Variants in PIEZO2 observed in about 807,000 individuals in gnomAD.
PIEZO2 encodes piezo type mechanosensitive ion channel component 2, also known as piezo-type mechanosensitive ion channel component 2.
In PIEZO2, 172 loss-of-function variants were observed where a neutral mutation model predicts 337.3. That is an observed-to-expected ratio of 0.51 (90% CI 0.45 to 0.58). The LOEUF is 0.58. Ranked by LOEUF, PIEZO2 falls within the 20% of genes least tolerant of loss-of-function variation. PIEZO2 has a pLI of 0.00. For synonymous variants in PIEZO2, 1,251 were observed against 1,228.5 expected (o/e 1.02, Z -0.38); for missense variants, 3,028 against 3,391.3 (o/e 0.89, Z 2.66).
rs4519388 is a variant in PIEZO2 at position 10,762,277 on chromosome 18, T to C, written c.3249+223A>G. Among the ~76,000 whole-genome samples the C allele has an allele frequency of 0.78, 119,045 of 152,222 alleles. 46,643 individuals carry two copies. Among genetic ancestry groups the C allele is most frequent in the East Asian group, 0.88 (4,575 of 5,186 alleles). On this transcript the variant is annotated intron_variant, in intron 23 of 55. Coordinates refer to ENST00000674853, the MANE Select transcript of PIEZO2 (RefSeq NM_001378183.1). Reference sequence around the variant, plus strand: ...TTGTATAATGTTCCAATGAATGTATTTGTCATACTTTATTCAAGCAATCTC... The same window carrying C: ...TTGTATAATGTTCCAATGAATGTATCTGTCATACTTTATTCAAGCAATCTC...
rs1273998408 is a variant in PIEZO2 at position 11,080,984 on chromosome 18, C to T, written c.65-14762G>A. 1.3e-5 allele frequency among the ~76,000 whole-genome samples: 2 copies of T among 152,302 alleles called. No individual in the cohort carries two copies. Among genetic ancestry groups the T allele is most frequent in the East Asian group, 1.9e-4 (1 of 5,184 alleles). On this transcript the variant is annotated intron_variant, in intron 1 of 55. Coordinates refer to ENST00000674853, the MANE Select transcript of PIEZO2 (RefSeq NM_001378183.1). This position sits in a 1 kb window ranked among gnomAD's most constrained non-coding sequence, Gnocchi z 5.4. ...ACATACCATCTGGCTAACATAATGA[C>T]ATGGCTACAATAACAATATTAAAAA...
At position 11,125,415 on chromosome 18, in the gene PIEZO2, T is replaced by C. The variant is rs573034327; in HGVS notation, c.64+23110A>G. Among the ~76,000 whole-genome samples, 3 of 152,342 alleles carry C rather than the reference T, an allele frequency of 2.0e-5. No homozygotes were observed. The highest frequency in any genetic ancestry group is 7.2e-5 in the African/African-American group (3 of 41,582). ...TCCAACTTTTGCCATTATCTGAAGA[T>C]ACTTGAGAAAGGAAACAAGTCATTC... On this transcript the variant is annotated intron_variant, in intron 1 of 55. Coordinates refer to ENST00000674853, the MANE Select transcript of PIEZO2 (RefSeq NM_001378183.1). The surrounding 1 kb of genome is among the most constrained non-coding windows in gnomAD (Gnocchi z 4.4).
At chr18:10,791,134 T>C in intron 14 of PIEZO2, 67 bp downstream of exon 14, 2 of 1,417,206 alleles carry the variant, frequency 1.4e-6, no homozygotes, top group Non-Finnish European at 1.9e-6. Flanking sequence ...CTGATGTATT[T>C]TGGGGCTCTT....
chr18:10,944,118 G>T (rs2032875244), intron 3 of PIEZO2, among the ~76,000 whole-genome samples: 1 of 151,884 alleles, frequency 6.6e-6, no homozygotes, highest in African/African-American at 2.4e-5. Context: ...TGACAAATGA[G>T]GATTTTTTAA....
chr18:10,734,502 C>G (rs1293222688), intron 35 of PIEZO2, among the ~76,000 whole-genome samples: 1 of 152,210 alleles, frequency 6.6e-6, no homozygotes, highest in Non-Finnish European at 1.5e-5. Context: ...GAGGGACATA[C>G]AGAGCAAAGC....
At chr18:11,139,867 G>C (rs2040593543) in intron 1 of PIEZO2, among the ~76,000 whole-genome samples, 1 of 152,136 alleles carries the variant, frequency 6.6e-6, no homozygotes, top group Non-Finnish European at 1.5e-5. Context: ...TGCTTATACA[G>C]ATCGAGTCAG....
chr18:10,913,519 ATTATTC>A (rs1366454360), intron 3 of PIEZO2, among the ~76,000 whole-genome samples: 2 of 152,134 alleles, frequency 1.3e-5, no homozygotes, highest in East Asian at 1.9e-4. Context: ...TATTTTCAGT[ATTATTC>A]TTATTTTTTA....
rs1348074406 is a variant in PIEZO2 at position 10,716,900 on chromosome 18, C to T, written c.5090-1084G>A. On this transcript the variant is annotated intron_variant, in intron 37 of 55. Transcript: ENST00000674853. This position sits in a 1 kb window ranked among gnomAD's most constrained non-coding sequence, Gnocchi z 4.1. Reference sequence around the variant, plus strand: ...ACATTATTACGGCGTGGTTTTGCTACAGTGGGCCTGATTGTAAGGCTGCAG... The same window carrying T: ...ACATTATTACGGCGTGGTTTTGCTATAGTGGGCCTGATTGTAAGGCTGCAG... Among the ~76,000 whole-genome samples the T allele has an allele frequency of 6.6e-6, 1 of 152,156 alleles. No homozygotes were observed.
rs991517781 is a variant in PIEZO2, at chr18:11,116,589, G to A, written c.64+31936C>T. Among the ~76,000 whole-genome samples the A allele has an allele frequency of 3.9e-5, 6 of 151,908 alleles. No individual in the cohort carries two copies. The highest frequency in any genetic ancestry group is 6.6e-5 in the Admixed American group (1 of 15,248). On this transcript the variant is annotated intron_variant, in intron 1 of 55. Transcript: ENST00000674853. The surrounding 1 kb of genome is among the most constrained non-coding windows in gnomAD (Gnocchi z 5.0). ...AATTAGCCGGGCGTGGTGGCGGGGG[G>A]CCTGTAGTCCCAGCTACTCGGGAGG...
At chr18:11,020,615 G>A (rs1034807144) in intron 2 of PIEZO2, among the ~76,000 whole-genome samples, 2 of 152,158 alleles carry the variant, frequency 1.3e-5, no homozygotes, top group African/African-American at 2.4e-5. Context: ...TAATTGCAGA[G>A]TAGTGTTCTG....
rs150439204 is a variant in PIEZO2 at position 10,863,939 on chromosome 18, C to G, written c.493-6728G>C. The stretch of plus-strand genomic sequence containing the variant: ...TCCAGAGATTACTACTCATCCTGAA[C>G]CACCTATTTTCTCTTGTAGGAACCA... On this transcript the variant is annotated intron_variant, in intron 5 of 55. Transcript: ENST00000674853. This position sits in a 1 kb window ranked among gnomAD's most constrained non-coding sequence, Gnocchi z 4.3. Among the ~76,000 whole-genome samples, 841 of 152,200 alleles carry G rather than the reference C, an allele frequency of 5.5e-3. 9 individuals are homozygous for G. The highest frequency in any genetic ancestry group is 0.02 in the African/African-American group (811 of 41,542).
At chr18:11,114,029 T>C (rs2039814131) in intron 1 of PIEZO2, among the ~76,000 whole-genome samples, 2 of 152,272 alleles carry the variant, frequency 1.3e-5, no homozygotes, top group African/African-American at 4.8e-5. Flanking sequence ...ACTACATTAA[T>C]GTAATGGATG....
chr18:10,829,178 C>G (rs74746902), intron 7 of PIEZO2, among the ~76,000 whole-genome samples: 56 of 152,100 alleles, frequency 3.7e-4, no homozygotes, highest in African/African-American at 1.3e-3. Context: ...TGCTTATTTG[C>G]ATCACACAGA....
At chr18:10,879,447 G>C (rs574130545) in intron 4 of PIEZO2, among the ~76,000 whole-genome samples, 1 of 142,810 alleles carries the variant, frequency 7.0e-6, no homozygotes, top group East Asian at 2.1e-4. Flanking sequence ...CCAGGCTGGA[G>C]TGCAGTAGTG....
In PIEZO2 at chr18:10,888,484, G is replaced by C. The variant is rs1463095613; in HGVS notation, c.330-17069C>G. The stretch of plus-strand genomic sequence containing the variant: ...TTTGTGCACCCTGGTATTCAGAGCT[G>C]GGCACTTGGAGTAGCATTGTTACGG... On this transcript the variant is annotated intron_variant, in intron 4 of 55. Coordinates refer to ENST00000674853, the MANE Select transcript of PIEZO2 (RefSeq NM_001378183.1). The surrounding 1 kb of genome is among the most constrained non-coding windows in gnomAD (Gnocchi z 4.1). Among the ~76,000 whole-genome samples, 1 of 152,080 alleles carries C rather than the reference G, an allele frequency of 6.6e-6. No individual in the cohort carries two copies. Among genetic ancestry groups the C allele is most frequent in the Non-Finnish European group, 1.5e-5 (1 of 68,016 alleles).
intron 2 of PIEZO2, among the ~76,000 whole-genome samples, chr18:10,985,536 T>C (rs2034837710): frequency 6.6e-6 from 1 of 152,096 alleles, no homozygotes; most frequent in East Asian, 1.9e-4. Flanking sequence ...TCTATTCCAT[T>C]GTTCTATTTG....
Position 10,778,369 on chromosome 18 carries a change from G to A in PIEZO2, c.2534+1956C>T, listed in dbSNP as rs1283386595. On this transcript the variant is annotated intron_variant, in intron 18 of 55. Coordinates refer to ENST00000674853, the MANE Select transcript of PIEZO2 (RefSeq NM_001378183.1). ...TTTTTTTTTGAGAGGGAGTCGCTCTGTCGCCCAGGCTGGAGTGCAGTGGCA... is the reference window on the plus strand; with the variant it reads ...TTTTTTTTTGAGAGGGAGTCGCTCTATCGCCCAGGCTGGAGTGCAGTGGCA... Among the ~76,000 whole-genome samples, 4 of 132,894 alleles carry A rather than the reference G, an allele frequency of 3.0e-5. No homozygotes were observed. In the South Asian group the frequency reaches 6.9e-4, roughly 23 times the overall value. The allele number at this position is 132,894 out of a possible 152,430, so 87.2% of individuals were successfully genotyped here. A position where few individuals can be genotyped will look rare whatever the true frequency, so the allele number is the denominator to read the frequency against.
At chr18:10,756,842 TAAGGATG>T (rs951137454) in intron 27 of PIEZO2, among the ~76,000 whole-genome samples, 5 of 128,742 alleles carry the variant, frequency 3.9e-5, no homozygotes, top group Non-Finnish European at 6.6e-5. Flanking sequence ...GAATGGGGAT[TAAGGATG>T]AAGGATGAGA....
chr18:10,832,894 T>C (rs1488529763), intron 7 of PIEZO2, among the ~76,000 whole-genome samples: 1 of 152,202 alleles, frequency 6.6e-6, no homozygotes, highest in Non-Finnish European at 1.5e-5. Context: ...GTCTTCACCA[T>C]AGTTTGAAAA....
Sources: allele counts gnomAD v4.1 joint callset (sites outside exome capture counted in the v4.1 genomes callset), GRCh38; gene constraint gnomAD v4.1.1; non-coding constraint Gnocchi (gnomAD v3.1); transcripts MANE v1.5; gene names NCBI Gene and HGNC (gene_info 2026-07-23, HGNC 2026-07-21).